The following PBRM1 variants were observed in gnomAD, a reference collection of about 807,000 sequenced individuals.
The protein encoded by PBRM1 is protein polybromo-1.
A neutral mutation model predicts 194.5 loss-of-function variants in PBRM1; 27 were observed. The observed-to-expected ratio is 0.14, with a 90% CI of 0.10 to 0.19. The LOEUF (loss-of-function observed/expected upper bound fraction) is 0.19, where lower values mean the gene tolerates loss of function less well. PBRM1 is among the 10% of genes least tolerant of loss of function. PBRM1 has a pLI of 1.00. For synonymous variants in PBRM1, 655 were observed against 693.2 expected, an observed-to-expected ratio of 0.94 and a Z score of 0.87; for missense variants, 1,466 against 2,077.2, an observed-to-expected ratio of 0.71 and a Z score of 5.72.
At chr3:52,580,004 G>A (rs1003077159) in intron 20 of PBRM1, among the ~76,000 whole-genome samples, 1 of 152,198 alleles carries the variant, frequency 6.6e-6, no homozygotes, top group Non-Finnish European at 1.5e-5. Flanking sequence ...CACACTGGGA[G>A]GACAAGGTGG....
chr3:52,572,357 C>T (rs1399587143), intron 22 of PBRM1, among the ~76,000 whole-genome samples: 9 of 152,028 alleles, frequency 5.9e-5, no homozygotes, highest in Admixed American at 2.6e-4. Flanking sequence ...CCACATGTGG[C>T]CATCTGATTA....
intron 17 of PBRM1, among the ~76,000 whole-genome samples, chr3:52,591,817 CTTTTTTTTTTTTT>C (rs34822595): frequency 1.1e-5 from 1 of 94,958 alleles, no homozygotes; most frequent in African/African-American, 4.4e-5. Flanking sequence ...TGCGCCCGGC[CTTTTTTTTTTTTT>C]TTTTTTTTGA....
intron 2 of PBRM1, among the ~76,000 whole-genome samples, chr3:52,673,255 TG>T (rs1403516103): frequency 3.3e-5 from 5 of 151,526 alleles, no homozygotes; most frequent in African/African-American, 1.2e-4. Context: ...CCCAAAGTGA[TG>T]GGATTACAGG....
At chr3:52,683,373 A>AC (rs2154081297), upstream of PBRM1, among the ~76,000 whole-genome samples, 1 of 150,338 alleles carries the variant, frequency 6.7e-6, no homozygotes, top group East Asian at 1.9e-4. Flanking sequence ...GACCGTCTCA[A>AC]GAAAAAAAAA....
chr3:52,661,179 C>T (rs1329318946), intron 4 of PBRM1, among the ~76,000 whole-genome samples: 2 of 152,168 alleles, frequency 1.3e-5, no homozygotes, highest in African/African-American at 4.8e-5. Flanking sequence ...GCATGTGCCA[C>T]CTGCCTAGCT....
At chr3:52,591,084 T>C (rs968791595) in intron 17 of PBRM1, among the ~76,000 whole-genome samples, 5 of 152,230 alleles carry the variant, frequency 3.3e-5, no homozygotes, top group African/African-American at 1.2e-4. Context: ...TGTATAAGAA[T>C]GATAGTGATT....
chr3:52,556,938 T>A (rs1306777655), intron 26 of PBRM1, among the ~76,000 whole-genome samples: 9 of 152,154 alleles, frequency 5.9e-5, no homozygotes, highest in Admixed American at 3.9e-4. Context: ...GTTTTTTTTT[T>A]TTTTTTAATT....
chr3:52,672,116 G>A (rs1000000822), intron 2 of PBRM1, among the ~76,000 whole-genome samples: 17 of 152,080 alleles, frequency 1.1e-4, no homozygotes, highest in African/African-American at 3.4e-4. Context: ...GTTCTAGTAC[G>A]GAGCATCTAG....
At chr3:52,563,196 G>C in intron 24 of PBRM1, 87 bp downstream of exon 26, 1 of 846,526 alleles carries the variant, frequency 1.2e-6, no homozygotes, top group South Asian at 1.7e-5. Context: ...ACATATGGAG[G>C]GGCTGGATGT....
intron 10 of PBRM1, among the ~76,000 whole-genome samples, chr3:52,641,062 A>G (rs1421816627): frequency 6.6e-6 from 1 of 152,208 alleles, no homozygotes; most frequent in Non-Finnish European, 1.5e-5. Flanking sequence ...AATGTTTCAA[A>G]AAAGTAAATT....
intron 15 of PBRM1, among the ~76,000 whole-genome samples, chr3:52,615,070 C>T (rs577202919): frequency 6.6e-6 from 1 of 152,222 alleles, no homozygotes; most frequent in Non-Finnish European, 1.5e-5. Flanking sequence ...CAGCATTATA[C>T]GTACAGAAAA....
intron 9 of PBRM1, among the ~76,000 whole-genome samples, chr3:52,642,625 A>C (rs1278010035): frequency 2.0e-5 from 3 of 151,470 alleles, no homozygotes; most frequent in African/African-American, 7.3e-5. Context: ...AAAAAAAAAA[A>C]AAACCAAAAA....
At chr3:52,593,623 G>C (rs1422317588) in intron 17 of PBRM1, among the ~76,000 whole-genome samples, 2 of 152,146 alleles carry the variant, frequency 1.3e-5, no homozygotes, top group Non-Finnish European at 2.9e-5. Context: ...ATTCTGGTAT[G>C]TTGTGTCTTT....
chr3:52,576,447 T>C (rs1322412080), intron 22 of PBRM1, 94 bp downstream of exon 24: 7 of 948,746 alleles, frequency 7.4e-6, no homozygotes, highest in African/African-American at 3.3e-5. Flanking sequence ...GGCACTGCTC[T>C]ATACCTAACA....
At chr3:52,659,481 G>A (rs1449123925) in intron 4 of PBRM1, among the ~76,000 whole-genome samples, 1 of 152,088 alleles carries the variant, frequency 6.6e-6, no homozygotes, top group East Asian at 1.9e-4. Flanking sequence ...GAGTGAAGTG[G>A]TGTGACCATG....
chr3:52,639,058 C>G (rs1177743345), intron 10 of PBRM1, among the ~76,000 whole-genome samples: 1 of 148,948 alleles, frequency 6.7e-6, no homozygotes, highest in African/African-American at 2.5e-5. Context: ...AATCTTGGCT[C>G]ACAGCAACCT....
chr3:52,609,372 C>A lies in PBRM1; in HGVS notation c.2508G>T (p.Arg836=), dbSNP rs1308285557. ...ACATATGCTCTTGAAATAAATCAAG[C>A]CGACGGTAGCGATTATTTTCAACAT... The change falls in exon 16 of 30, where the codon CGG becomes CGT. Residue 836 remains arginine, a synonymous_variant. Coordinates refer to ENST00000296302, the Ensembl canonical transcript of PBRM1. The surrounding 1 kb of genome is among the most constrained non-coding windows in gnomAD (Gnocchi z 4.1). 1 of 1,613,758 alleles carries A rather than the reference C, an allele frequency of 6.2e-7. No individual in the cohort carries two copies. The highest frequency in any genetic ancestry group is 1.1e-5 in the South Asian group (1 of 91,076).
intron 2 of PBRM1, among the ~76,000 whole-genome samples, chr3:52,674,433 A>G (rs537856016): frequency 3.4e-3 from 505 of 148,682 alleles, no homozygotes; most frequent in African/African-American, 0.012. Flanking sequence ...GTGAGCCACA[A>G]TCGAGATCGC....
chr3:52,602,354 T>A (rs1200706559), intron 17 of PBRM1, among the ~76,000 whole-genome samples: 2 of 152,188 alleles, frequency 1.3e-5, no homozygotes, highest in Non-Finnish European at 2.9e-5. Flanking sequence ...CTTAACTACC[T>A]CAAGCCCGTA....
Sources: allele counts gnomAD v4.1 joint callset (sites outside exome capture counted in the v4.1 genomes callset), GRCh38; gene constraint gnomAD v4.1.1; non-coding constraint Gnocchi (gnomAD v3.1); transcripts MANE v1.5; gene names NCBI Gene and HGNC (gene_info 2026-07-23, HGNC 2026-07-21).